MALRD1: variants seen among roughly 807,000 people sequenced by gnomAD.
MALRD1 encodes the protein MAM and LDL receptor class A domain containing 1.
Under a neutral mutation model 242.1 loss-of-function variants are expected in MALRD1, and 247 were observed. The ratio of observed to expected loss-of-function variants is 1.02; its 90% confidence interval spans 0.92 to 1.13. The LOEUF is 1.13. Among genes scored for constraint, MALRD1 ranks in the 50% most tolerant of loss-of-function variants. The pLI is 0.00. For missense variants in MALRD1, 2,989 were observed against 2,533.1 expected, an observed-to-expected ratio of 1.18 and a Z score of -3.86; for synonymous variants, 995 against 866.6, an observed-to-expected ratio of 1.15 and a Z score of -2.60.
At chr10:19,636,426 C>T (rs1840126861) in intron 36 of MALRD1, among the ~76,000 whole-genome samples, 1 of 151,992 alleles carries the variant, frequency 6.6e-6, no homozygotes, top group Admixed American at 6.6e-5. Context: ...ATGTTGGTAT[C>T]AACAATGCTT....
intron 34 of MALRD1, among the ~76,000 whole-genome samples, chr10:19,600,027 A>G (rs769431513): frequency 6.6e-6 from 1 of 152,162 alleles, no homozygotes; most frequent in Admixed American, 6.5e-5. Context: ...CATCAGTGAC[A>G]GAACAACTGT....
intron 10 of MALRD1, among the ~76,000 whole-genome samples, chr10:19,140,284 G>A (rs940366935): frequency 6.6e-6 from 1 of 152,092 alleles, no homozygotes; most frequent in Admixed American, 6.5e-5. Context: ...CTCATATGCT[G>A]TAGTGGTTAA....
intron 14 of MALRD1, among the ~76,000 whole-genome samples, chr10:19,186,286 T>C (rs894509220): frequency 6.6e-6 from 1 of 152,206 alleles, no homozygotes; most frequent in Non-Finnish European, 1.5e-5. Context: ...ACAGATGTCA[T>C]TGTGAAAGAC....
intron 21 of MALRD1, among the ~76,000 whole-genome samples, chr10:19,306,177 G>A (rs1219530917): frequency 8.2e-6 from 1 of 121,612 alleles, no homozygotes; most frequent in Non-Finnish European, 1.7e-5. Context: ...ATACAGAATT[G>A]GTTGAATGCT....
Position 19,730,729 on chromosome 10 carries a change from G to T in MALRD1, c.6338G>T (p.Cys2113Phe). 1 of 1,536,672 alleles carries T rather than the reference G, an allele frequency of 6.5e-7. No individual in the cohort carries two copies. The highest frequency in any genetic ancestry group is 1.2e-5 in the South Asian group (1 of 84,050). ...PIRKTEGSGN[C>F]AFVNPVYGNW... ...AGGAAAACCGAGGGAAGTGGTAACTGTGCCTTTGTCAATCCAGTTTACGGG... is the reference window on the plus strand; with the variant it reads ...AGGAAAACCGAGGGAAGTGGTAACTTTGCCTTTGTCAATCCAGTTTACGGG... Residue 2113 changes from cysteine (C) to phenylalanine (F), a missense_variant, in exon 39 of 40, where the codon TGT (cysteine) becomes TTT (phenylalanine). Cys to Phe is a radical substitution (Grantham distance 205). Transcript: ENST00000454679.
intron 21 of MALRD1, among the ~76,000 whole-genome samples, chr10:19,289,498 T>C (rs1841300809): frequency 6.6e-6 from 1 of 152,174 alleles, no homozygotes; most frequent in Non-Finnish European, 1.5e-5. Flanking sequence ...TGCTTAATGG[T>C]CAGATAATAT....
intron 23 of MALRD1, among the ~76,000 whole-genome samples, chr10:19,330,860 TAA>T (rs71784448): frequency 1.4e-4 from 20 of 146,998 alleles, no homozygotes; most frequent in African/African-American, 3.9e-4. Context: ...GTGTACAATT[TAA>T]AAAAAAAAAA....
At chr10:19,391,462 A>C (rs1030386109) in intron 28 of MALRD1, among the ~76,000 whole-genome samples, 3 of 152,200 alleles carry the variant, frequency 2.0e-5, no homozygotes, top group Non-Finnish European at 4.4e-5. Context: ...GCTTGAAAGC[A>C]TCCTAGCTAG....
chr10:19,331,316 A>G (rs1843357736), intron 23 of MALRD1, 53 bp from the exon 24 acceptor site: 2 of 1,381,816 alleles, frequency 1.4e-6, no homozygotes, highest in East Asian at 5.0e-5. Flanking sequence ...GTGTTTGCCC[A>G]GGTTTTGAAC....
chr10:19,288,469 T>A (rs1445109815), intron 21 of MALRD1, among the ~76,000 whole-genome samples: 2 of 152,120 alleles, frequency 1.3e-5, no homozygotes, highest in Non-Finnish European at 2.9e-5. Context: ...AAAGTATTCA[T>A]CCTTCTCTGG....
At chr10:19,183,436 A>G (rs542712267) in intron 14 of MALRD1, among the ~76,000 whole-genome samples, 1 of 152,296 alleles carries the variant, frequency 6.6e-6, no homozygotes, top group Admixed American at 6.5e-5. Context: ...TCTTATAAGG[A>G]GGAAAAGGCA....
chr10:19,222,694 C>G (rs1363818440), intron 18 of MALRD1, among the ~76,000 whole-genome samples: 1 of 152,154 alleles, frequency 6.6e-6, no homozygotes. Flanking sequence ...AATGTCTCTT[C>G]TGATCCAGAC....
intron 4 of MALRD1, among the ~76,000 whole-genome samples, chr10:19,102,736 T>A (rs1214080019): frequency 6.6e-6 from 1 of 152,234 alleles, no homozygotes; most frequent in African/African-American, 2.4e-5. Context: ...TCGATTTAGT[T>A]AATTAGAAAA....
intron 4 of MALRD1, among the ~76,000 whole-genome samples, chr10:19,088,536 C>CTTTTTTTTTTTTTTTTTTTTTTT (rs748953378): frequency 9.1e-6 from 1 of 110,032 alleles, no homozygotes; most frequent in Non-Finnish European, 1.9e-5. Flanking sequence ...CTCTTTCTTT[C>CTTTTTTTTTTTTTTTTTTTTTTT]TTTTTTTTTT....
chr10:19,392,772 G>GA (rs1240620067), intron 28 of MALRD1, among the ~76,000 whole-genome samples: 13 of 152,106 alleles, frequency 8.5e-5, no homozygotes, highest in African/African-American at 3.1e-4. Flanking sequence ...TTATAAATGA[G>GA]AAAAAATAAC....
rs1414963521 is a variant in MALRD1 at position 19,377,465 on chromosome 10, C to T, written c.4442-10063C>T. On this transcript the variant is annotated intron_variant, in intron 26 of 39. Coordinates refer to ENST00000454679, the MANE Select transcript of MALRD1 (RefSeq NM_001142308.3). The stretch of plus-strand genomic sequence containing the variant: ...TCAGATCTCAGGTCTGCTCCCTATT[C>T]AATTGTGTAACATTGAGGAGGATGT... 2.6e-5 allele frequency among the ~76,000 whole-genome samples: 4 copies of T among 152,132 alleles called. No homozygotes were observed. In the East Asian group the frequency reaches 7.7e-4, roughly 29 times the overall value.
rs566902493 is a variant in MALRD1, at chr10:19,198,066, G to A, written c.1952-5662G>A. On this transcript the variant is annotated intron_variant, in intron 14 of 39. Coordinates refer to ENST00000454679, the MANE Select transcript of MALRD1 (RefSeq NM_001142308.3). Reference sequence around the variant, plus strand: ...CTTTTTTTGAGACGGAGTCTCTGTCGCCCAGGCTGTAGTGCAGTGGCATGA... The same window carrying A: ...CTTTTTTTGAGACGGAGTCTCTGTCACCCAGGCTGTAGTGCAGTGGCATGA... 5.9e-5 allele frequency among the ~76,000 whole-genome samples: 9 copies of A among 151,952 alleles called. No individual in the cohort carries two copies. The South Asian group carries it at 1.2e-3, about 21-fold the overall frequency.
At chr10:19,305,794 A>G (rs1255191456) in intron 21 of MALRD1, among the ~76,000 whole-genome samples, 1 of 141,622 alleles carries the variant, frequency 7.1e-6, no homozygotes, top group Non-Finnish European at 1.5e-5. Context: ...TTATATATAT[A>G]CCATATATAT....
intron 36 of MALRD1, among the ~76,000 whole-genome samples, chr10:19,656,910 GCTAT>G (rs1841180248): frequency 6.6e-6 from 1 of 152,120 alleles, no homozygotes; most frequent in Admixed American, 6.6e-5. Context: ...TTTGTTGTGA[GCTAT>G]CTATCGATCT....
Sources: gnomAD v4.1 joint callset for allele counts (sites outside exome capture counted in the v4.1 genomes callset) on GRCh38, gnomAD v4.1.1 for gene constraint, MANE v1.5 for transcripts, NCBI Gene and HGNC (gene_info 2026-07-23, HGNC 2026-07-21) for gene names.